The following RBFOX1 variants were observed in gnomAD, a reference collection of about 807,000 sequenced individuals.
The protein encoded by RBFOX1 is RNA binding fox-1 homolog 1.
In RBFOX1, 8 loss-of-function variants were observed where a neutral mutation model predicts 57.7. That is an observed-to-expected ratio of 0.14 (90% CI 0.08 to 0.25). RBFOX1 has a LOEUF of 0.25. Ranked by LOEUF, RBFOX1 falls within the 10% of genes least tolerant of loss-of-function variation. The pLI is 1.00. For synonymous variants in RBFOX1, 326 were observed against 222.4 expected (o/e 1.47, Z -4.15); for missense variants, 611 against 548.5 (o/e 1.11, Z -1.14).
rs1007424453 is a variant in RBFOX1 at position 6,870,685 on chromosome 16, A to G, written c.-15-181372A>G. 5.3e-5 allele frequency among the ~76,000 whole-genome samples: 8 copies of G among 152,342 alleles called. 1 individual carries two copies. The highest frequency in any genetic ancestry group is 3.9e-4 in the Admixed American group (6 of 15,300). On this transcript the variant is annotated intron_variant, in intron 3 of 15. Coordinates refer to ENST00000550418, the MANE Select transcript of RBFOX1 (RefSeq NM_018723.4). ...AATATTACCATAACCATAATTTTAC[A>G]GCACAGTTTAATTATTTGGTTCAGT...
chr16:6,950,217 C>T (rs963397663), intron 3 of RBFOX1, among the ~76,000 whole-genome samples: 2 of 151,666 alleles, frequency 1.3e-5, no homozygotes, highest in East Asian at 3.9e-4. Flanking sequence ...CTCAGCCTCC[C>T]AAAGCGCCGG....
At chr16:7,468,460 T>TG (rs942585168) in intron 4 of RBFOX1, among the ~76,000 whole-genome samples, 39 of 151,250 alleles carry the variant, frequency 2.6e-4, no homozygotes, top group Non-Finnish European at 2.4e-4. Context: ...GGAGGGTGTT[T>TG]TTTTTTTTTT....
At chr16:5,533,620 A>G (rs1260353334) in intron 2 of RBFOX1, among the ~76,000 whole-genome samples, 1 of 152,198 alleles carries the variant, frequency 6.6e-6, no homozygotes, top group African/African-American at 2.4e-5. Context: ...TGGATGAGAT[A>G]TTATCACTCC....
rs560982277 is a variant in RBFOX1 at position 6,147,556 on chromosome 16, C to T, written c.-127+127564C>T. 3.9e-5 allele frequency among the ~76,000 whole-genome samples: 6 copies of T among 152,124 alleles called. No individual in the cohort carries two copies. In the East Asian group the frequency reaches 9.7e-4, roughly 25 times the overall value. On this transcript the variant is annotated intron_variant, in intron 1 of 15. Coordinates refer to ENST00000550418, the MANE Select transcript of RBFOX1 (RefSeq NM_018723.4). ...TAAAGGTCCCCAATAGGAGCTACCTCAAAAACACCCAACAATTAAAACTAG... is the reference window on the plus strand; with the variant it reads ...TAAAGGTCCCCAATAGGAGCTACCTTAAAAACACCCAACAATTAAAACTAG...
chr16:6,882,865 A>G (rs1221126849), intron 3 of RBFOX1, among the ~76,000 whole-genome samples: 1 of 152,132 alleles, frequency 6.6e-6, no homozygotes, highest in African/African-American at 2.4e-5. Context: ...GGAGTGAACA[A>G]CCATCTTCCT....
chr16:6,118,746 C>A (rs994418295), intron 1 of RBFOX1, among the ~76,000 whole-genome samples: 1 of 145,382 alleles, frequency 6.9e-6, no homozygotes, highest in Non-Finnish European at 1.5e-5. Context: ...TCTGTCCTTC[C>A]TTCCTTCCTT....
At chr16:6,397,469 T>C (rs374437638) in intron 2 of RBFOX1, among the ~76,000 whole-genome samples, 10 of 152,068 alleles carry the variant, frequency 6.6e-5, no homozygotes, top group African/African-American at 1.9e-4. Flanking sequence ...CAGAAATTAA[T>C]AGGAAGATGC....
intron 3 of RBFOX1, among the ~76,000 whole-genome samples, chr16:5,654,053 C>G (rs368389219): frequency 6.6e-6 from 1 of 152,200 alleles, no homozygotes; most frequent in East Asian, 1.9e-4. Context: ...GTCAAGAGTT[C>G]CATCCCTGCC....
At chr16:7,337,616 A>G (rs2096816125) in intron 4 of RBFOX1, among the ~76,000 whole-genome samples, 1 of 152,190 alleles carries the variant, frequency 6.6e-6, no homozygotes, top group South Asian at 2.1e-4. Flanking sequence ...GCAAGCTCAC[A>G]AAAGAATGGG....
intron 3 of RBFOX1, among the ~76,000 whole-genome samples, chr16:5,609,238 C>T (rs762274939): frequency 6.6e-6 from 1 of 152,190 alleles, no homozygotes; most frequent in Non-Finnish European, 1.5e-5. Flanking sequence ...GTTATGTATT[C>T]ATTACCCGAA....
At chr16:6,357,488 G>A (rs149880171) in intron 2 of RBFOX1, among the ~76,000 whole-genome samples, 1 of 152,244 alleles carries the variant, frequency 6.6e-6, no homozygotes, top group Non-Finnish European at 1.5e-5. Context: ...GGATAAGGGA[G>A]TTGGAAAGAG....
At chr16:6,980,244 C>G (rs2088359183) in intron 3 of RBFOX1, among the ~76,000 whole-genome samples, 3 of 152,122 alleles carry the variant, frequency 2.0e-5, no homozygotes, top group African/African-American at 4.8e-5. Context: ...AATTTTATTT[C>G]CTATACAAAT....
At chr16:5,776,661 T>G (rs1363002087) in intron 3 of RBFOX1, among the ~76,000 whole-genome samples, 1 of 152,240 alleles carries the variant, frequency 6.6e-6, no homozygotes, top group Non-Finnish European at 1.5e-5. Context: ...GTTAGTATTA[T>G]CATCCCCAGT....
intron 3 of RBFOX1, among the ~76,000 whole-genome samples, chr16:5,828,252 C>A (rs543311142): frequency 2.0e-5 from 3 of 152,112 alleles, no homozygotes; most frequent in Non-Finnish European, 4.4e-5. Flanking sequence ...TCTACCCATC[C>A]ATGTGTGGGA....
At chr16:5,873,199 T>C (rs2057520373) in intron 4 of RBFOX1, among the ~76,000 whole-genome samples, 1 of 152,024 alleles carries the variant, frequency 6.6e-6, no homozygotes, top group Non-Finnish European at 1.5e-5. Context: ...AAAACAATAA[T>C]TAAATAACCT....
chr16:7,570,724 A>G (rs962635977), intron 5 of RBFOX1, among the ~76,000 whole-genome samples: 2 of 152,310 alleles, frequency 1.3e-5, no homozygotes, highest in African/African-American at 4.8e-5. Context: ...TTACCTGGCA[A>G]TCCAATTTCT....
At chr16:5,537,552 T>A (rs1417531614) in intron 2 of RBFOX1, among the ~76,000 whole-genome samples, 5 of 152,206 alleles carry the variant, frequency 3.3e-5, no homozygotes, top group Admixed American at 2.0e-4. Context: ...GTGTTGTTGG[T>A]AGAAATCACT....
intron 3 of RBFOX1, among the ~76,000 whole-genome samples, chr16:6,876,852 T>C (rs982196625): frequency 3.9e-5 from 6 of 152,178 alleles, no homozygotes; most frequent in African/African-American, 1.2e-4. Flanking sequence ...GCAATGGAAG[T>C]GGGATTGGCA....
At chr16:6,093,720 C>T (rs557016416) in intron 1 of RBFOX1, among the ~76,000 whole-genome samples, 1 of 152,068 alleles carries the variant, frequency 6.6e-6, no homozygotes, top group African/African-American at 2.4e-5. Flanking sequence ...CTCCTAGGCT[C>T]AAGCGATCCT....
Sources: allele counts gnomAD v4.1 joint callset (sites outside exome capture counted in the v4.1 genomes callset), GRCh38; gene constraint gnomAD v4.1.1; transcripts MANE v1.5; gene names NCBI Gene and HGNC (gene_info 2026-07-23, HGNC 2026-07-21).